CFAP221: variants seen among roughly 807,000 people sequenced by gnomAD.
CFAP221 encodes the protein cilia- and flagella-associated protein 221.
A neutral mutation model predicts 113.1 loss-of-function variants in CFAP221; 97 were observed. The ratio of observed to expected loss-of-function variants is 0.86; its 90% CI spans 0.73 to 1.02. The LOEUF is 1.02. Ranked by LOEUF, CFAP221 falls within the 50% of genes least tolerant of loss-of-function variation. The pLI, the probability that CFAP221 is intolerant of heterozygous loss-of-function variation, is 0.00. For synonymous variants in CFAP221, 331 were observed against 354.4 expected (o/e 0.93, Z 0.74); for missense variants, 1,025 against 1,013.4 (o/e 1.01, Z -0.16).
rs556751751 is a variant in CFAP221, at chr2:119,611,310, C to T, written c.1222-343C>T. ...TCTTTTAGTTATAAAAAGAAGGTAT[C>T]TACTTGGGAGGCTGAGGCAGGAGAA... On this transcript the variant is annotated intron_variant, in intron 12 of 23. Transcript: ENST00000413369. 6.6e-5 allele frequency among the ~76,000 whole-genome samples: 10 copies of T among 150,756 alleles called. No individual in the cohort carries two copies. In the East Asian group the frequency reaches 2.0e-3, roughly 29 times the overall value.
intron 6 of CFAP221, among the ~76,000 whole-genome samples, chr2:119,585,612 T>C (rs1334031399): frequency 8.5e-5 from 13 of 152,232 alleles, no homozygotes; most frequent in African/African-American, 1.4e-4. Flanking sequence ...CATTTTTCTT[T>C]ATATTTGAAA....
At chr2:119,640,057 A>G (rs1377053095) in intron 21 of CFAP221, among the ~76,000 whole-genome samples, 185 bp downstream of exon 21, 1 of 152,230 alleles carries the variant, frequency 6.6e-6, no homozygotes, top group East Asian at 1.9e-4. Flanking sequence ...ATCTTGAGAT[A>G]CACTTCTTTG....
chr2:119,611,567 G>A (rs960105878), intron 12 of CFAP221, 86 bp from the exon 13 acceptor site: 12 of 1,251,566 alleles, frequency 9.6e-6, no homozygotes, highest in Non-Finnish European at 1.4e-5. Context: ...TTGGCCAATT[G>A]CTTAATGGGT....
intron 20 of CFAP221, among the ~76,000 whole-genome samples, chr2:119,638,847 C>T (rs1292967588): frequency 2.6e-5 from 4 of 152,228 alleles, no homozygotes; most frequent in African/African-American, 7.2e-5. Flanking sequence ...AGGGAACCAC[C>T]CTGACCTGAA....
intron 8 of CFAP221, among the ~76,000 whole-genome samples, 175 bp from the exon 9 acceptor site, chr2:119,604,497 T>C (rs1684584434): frequency 6.6e-6 from 1 of 152,130 alleles, no homozygotes; most frequent in South Asian, 2.1e-4. Flanking sequence ...CTGATTATAC[T>C]CTAATGCACT....
rs759136501 is a variant in CFAP221 at position 119,604,788 on chromosome 2, T to G, written c.908T>G (p.Val303Gly). 5.8e-6 allele frequency: 9 copies of G among 1,559,960 alleles called. No homozygotes were observed. Residue 303 changes from valine (V) to glycine (G), a missense_variant, in exon 9 of 24, where the codon GTG becomes GGG. Coordinates refer to ENST00000413369, the MANE Select transcript of CFAP221 (RefSeq NM_001271049.2). Reference sequence around the variant, plus strand: ...CCAGCGAAGCCGAAGCCTCAGAAGGTGAAGGTACGGTGGGCCTTGTCCTTG... The same window carrying G: ...CCAGCGAAGCCGAAGCCTCAGAAGGGGAAGGTACGGTGGGCCTTGTCCTTG... ...RPPAKPKPQK[V>G]KEIEYQNLRF...
rs1429699152 is a variant in CFAP221 at position 119,638,898 on chromosome 2, A to C, written c.2133+481A>C. On this transcript the variant is annotated intron_variant, in intron 20 of 23. Coordinates refer to ENST00000413369, the MANE Select transcript of CFAP221 (RefSeq NM_001271049.2). Reference sequence around the variant, plus strand: ...CTTGAGGATTATCCTCAGGCCCTTCAAGCTCAATTAACCCTTAACTCAGAT... The same window carrying C: ...CTTGAGGATTATCCTCAGGCCCTTCCAGCTCAATTAACCCTTAACTCAGAT... Among the ~76,000 whole-genome samples, 3 of 152,012 alleles carry C rather than the reference A, an allele frequency of 2.0e-5. No individual in the cohort carries two copies. The East Asian group carries it at 5.8e-4, about 30-fold the overall frequency.
chr2:119,566,590 C>T (rs576410632), intron 6 of CFAP221, among the ~76,000 whole-genome samples: 2 of 152,352 alleles, frequency 1.3e-5, no homozygotes, highest in Admixed American at 6.5e-5. Flanking sequence ...GCAGCCTCAA[C>T]GTGGCTCCAT....
At chr2:119,602,336 C>T (rs371668722) in intron 8 of CFAP221, among the ~76,000 whole-genome samples, 3 of 152,154 alleles carry the variant, frequency 2.0e-5, no homozygotes, top group South Asian at 2.1e-4. Context: ...GATCACGCCA[C>T]GGCACTCCAG....
intron 3 of CFAP221, 106 bp downstream of exon 3, chr2:119,549,291 G>A (rs1339195194): frequency 7.9e-6 from 7 of 886,122 alleles, no homozygotes; most frequent in Non-Finnish European, 9.8e-6. Context: ...CAGCCGTAGT[G>A]CAAGAGTAAA....
chr2:119,646,848 T>A (rs1390305114), intron 21 of CFAP221, 110 bp from the exon 22 acceptor site: 1 of 903,346 alleles, frequency 1.1e-6, no homozygotes, highest in East Asian at 2.6e-5. Context: ...GAGGACAGAG[T>A]AGTAGAGGCC....
At chr2:119,656,186 A>G (rs949729049) in intron 23 of CFAP221, 176 bp from the exon 24 acceptor site, 1 of 568,112 alleles carries the variant, frequency 1.8e-6, no homozygotes, top group Non-Finnish European at 3.2e-6. Flanking sequence ...GGTTTGAATC[A>G]TTCATAAGCT....
At chr2:119,574,513 G>T (rs920525680) in intron 6 of CFAP221, among the ~76,000 whole-genome samples, 1 of 152,182 alleles carries the variant, frequency 6.6e-6, no homozygotes, top group Non-Finnish European at 1.5e-5. Context: ...AAGGAGCAAA[G>T]GTGACAGTTG....
In CFAP221 at chr2:119,544,469, GCGCTGGCGCCGGC is replaced by G. The variant is rs910714101; in HGVS notation, c.-86_-74del. ...ATGGCGACGCTCCGAGCGGGCGCCG[GCGCTGGCGCCGGC>G]CGAATCCGGCCCGGGAACCACCTCC... On this transcript the variant is annotated 5_prime_UTR_variant, in exon 1 of 24. Coordinates refer to ENST00000413369, the MANE Select transcript of CFAP221 (RefSeq NM_001271049.2). 5 of 151,868 alleles carry G rather than the reference GCGCTGGCGCCGGC, an allele frequency of 3.3e-5. No individual in the cohort carries two copies. The highest frequency in any genetic ancestry group is 3.3e-4 in the Admixed American group (5 of 15,260). The allele number at this position is 151,868 out of a possible 1,614,324, so 9.4% of individuals were successfully genotyped here.
chr2:119,624,786 C>A (rs940024790), intron 14 of CFAP221, among the ~76,000 whole-genome samples: 2 of 152,028 alleles, frequency 1.3e-5, no homozygotes, highest in Non-Finnish European at 2.9e-5. Flanking sequence ...AACCAAACAC[C>A]GCATGTTCTC....
chr2:119,634,371 G>T (rs1228204418), intron 19 of CFAP221, among the ~76,000 whole-genome samples: 1 of 152,172 alleles, frequency 6.6e-6, no homozygotes, highest in East Asian at 1.9e-4. Context: ...GGAGGCTGAG[G>T]TGGGAGGATC....
intron 7 of CFAP221, among the ~76,000 whole-genome samples, chr2:119,596,434 T>C (rs1046802480): frequency 2.0e-5 from 3 of 152,206 alleles, no homozygotes; most frequent in Admixed American, 6.5e-5. Flanking sequence ...GCAGCTTATA[T>C]ACTTGATGGA....
chr2:119,550,239 A>T (rs1680324791), intron 3 of CFAP221, among the ~76,000 whole-genome samples: 1 of 152,200 alleles, frequency 6.6e-6, no homozygotes, highest in Non-Finnish European at 1.5e-5. Context: ...CCGTATCTTA[A>T]GGTAGATTAT....
downstream of CFAP221, among the ~76,000 whole-genome samples, chr2:119,658,615 A>ACACG (rs1405309181): frequency 1.2e-4 from 18 of 150,876 alleles, 1 homozygote; most frequent in African/African-American, 3.5e-4. Flanking sequence ...GCCCCCCTCA[A>ACACG]CACGCACACA....
Sources: gnomAD v4.1 joint callset for allele counts (sites outside exome capture counted in the v4.1 genomes callset) on GRCh38, gnomAD v4.1.1 for gene constraint, MANE v1.5 for transcripts, NCBI Gene and HGNC (gene_info 2026-07-23, HGNC 2026-07-21) for gene names.